Variants in STX11 observed in about 807,000 individuals in gnomAD.
STX11 encodes syntaxin 11, also known as syntaxin-11.
STX11 carries 21 observed loss-of-function variants against 19.9 expected under a neutral mutation model. That is an observed-to-expected ratio of 1.06 (90% CI 0.75 to 1.52). The LOEUF is 1.52. Among genes scored for constraint, STX11 ranks in the 40% most tolerant of loss-of-function variants. The probability of loss-of-function intolerance (pLI) is 0.00; values close to 1 mark genes in which losing one functional copy is unlikely to be tolerated. For missense variants in STX11, 438 were observed against 405.9 expected (o/e 1.08, Z -0.68); for synonymous variants, 193 against 174.4 (o/e 1.11, Z -0.84).
the STX11 span, chr6:144,140,766 T>C: frequency 7.1e-6 from 7 of 984,928 alleles, no homozygotes; most frequent in Non-Finnish European, 8.4e-6. Flanking sequence ...ATGAAATGGA[T>C]GAAGGGGAGG....
chr6:144,184,300 T>A lies in STX11; in HGVS notation c.-5-2323T>A, dbSNP rs1023548325. On this transcript the variant is annotated intron_variant, in intron 1 of 1. Transcript: ENST00000367568. This position sits in a 1 kb window ranked among gnomAD's most constrained non-coding sequence, Gnocchi z 6.5. ...CTGTCTTCCACAATGGTTGAACTAA[T>A]TCACATTCCCACCAACAGTGTAAAA... Among the ~76,000 whole-genome samples, 20 of 152,246 alleles carry A rather than the reference T, an allele frequency of 1.3e-4. No individual in the cohort carries two copies. The highest frequency in any genetic ancestry group is 1.9e-4 in the Non-Finnish European group (13 of 68,036).
In STX11 at chr6:144,180,569, C is replaced by T. The variant is rs978469342; in HGVS notation, c.-5-6054C>T. ...TTGCTCCTTCCTCATTTTCTCTTGCCACCACAATGTAAGAAGTGCCTTTCA... is the reference window on the plus strand; with the variant it reads ...TTGCTCCTTCCTCATTTTCTCTTGCTACCACAATGTAAGAAGTGCCTTTCA... On this transcript the variant is annotated intron_variant, in intron 1 of 1. Transcript: ENST00000367568. This position sits in a 1 kb window ranked among gnomAD's most constrained non-coding sequence, Gnocchi z 5.3. Among the ~76,000 whole-genome samples, 20 of 152,100 alleles carry T rather than the reference C, an allele frequency of 1.3e-4. No individual in the cohort carries two copies. The highest frequency in any genetic ancestry group is 4.1e-4 in the African/African-American group (17 of 41,402).
intron 1 of STX11, among the ~76,000 whole-genome samples, chr6:144,166,270 A>C (rs1037640210): frequency 1.3e-5 from 2 of 152,212 alleles, no homozygotes; most frequent in African/African-American, 4.8e-5. Flanking sequence ...TAATGCATTA[A>C]AATTGTTAAT....
chr6:144,174,287 C>A lies in STX11; in HGVS notation c.-5-12336C>A, dbSNP rs185965160. Among the ~76,000 whole-genome samples, 3 of 152,328 alleles carry A rather than the reference C, an allele frequency of 2.0e-5. No homozygotes were observed. The highest frequency in any genetic ancestry group is 6.5e-5 in the Admixed American group (1 of 15,310). ...AAAGCAAATCTCAGTCTCATAGCCA[C>A]CCTCAGACTCAAGGAGTTGAGAAAT... On this transcript the variant is annotated intron_variant, in intron 1 of 1. Coordinates refer to ENST00000367568, the MANE Select transcript of STX11 (RefSeq NM_003764.4). This position sits in a 1 kb window ranked among gnomAD's most constrained non-coding sequence, Gnocchi z 5.3.
At chr6:144,181,592 CAAAAAAA>C (rs145945304) in intron 1 of STX11, among the ~76,000 whole-genome samples, 1 of 65,800 alleles carries the variant, frequency 1.5e-5, no homozygotes, top group African/African-American at 5.6e-5. Flanking sequence ...AAGACCACCT[CAAAAAAA>C]AAAAAAAAAA....
Position 144,187,538 on chromosome 6 carries a change from C to G in STX11, c.*47C>G. 6.2e-7 allele frequency: 1 copy of G among 1,610,224 alleles called. No individual in the cohort carries two copies. Among genetic ancestry groups the G allele is most frequent in the Non-Finnish European group, 8.5e-7 (1 of 1,179,296 alleles). On this transcript the variant is annotated 3_prime_UTR_variant, in exon 2 of 2. Transcript: ENST00000367568. This position sits in a 1 kb window ranked among gnomAD's most constrained non-coding sequence, Gnocchi z 5.6. ...CGCCCATCCCAGACCATGGAGCGCG[C>G]TGGGAAGGACGCACCAAAGCCGGGA... is the stretch of plus-strand genomic sequence containing the variant.
rs1200447720 is a variant in STX11, at chr6:144,188,800, C to G, written c.*1309C>G. Among the ~76,000 whole-genome samples, 4 of 135,924 alleles carry G rather than the reference C, an allele frequency of 2.9e-5. No individual in the cohort carries two copies. The highest frequency in any genetic ancestry group is 1.1e-4 in the African/African-American group (4 of 35,328). The allele number at this position is 135,924 out of a possible 152,430, so 89.2% of individuals were successfully genotyped here. A position where few individuals can be genotyped will look rare whatever the true frequency, so the allele number is the denominator to read the frequency against. ...GGAGTGCAGTGGCAGGATCTTGGCT[C>G]ATTGCAACCTCTGTCTCCCAGGTTC... is the stretch of plus-strand genomic sequence containing the variant. On this transcript the variant is annotated 3_prime_UTR_variant, in exon 2 of 2. Coordinates refer to ENST00000367568, the MANE Select transcript of STX11 (RefSeq NM_003764.4).
chr6:144,146,003 C>T (rs73778530), upstream of STX11, among the ~76,000 whole-genome samples: 825 of 152,282 alleles, frequency 5.4e-3, 10 homozygotes, highest in African/African-American at 0.019. This position sits in a 1 kb window ranked among gnomAD's most constrained non-coding sequence, Gnocchi z 4.4. Context: ...TAAACACATT[C>T]TTTATCTGCA....
chr6:144,166,741 G>C (rs1241908719), intron 1 of STX11, among the ~76,000 whole-genome samples: 1 of 150,462 alleles, frequency 6.6e-6, no homozygotes, highest in Non-Finnish European at 1.5e-5. Flanking sequence ...GGCCAGGCTG[G>C]TCTCAAACTC....
chr6:144,140,250 A>ATTT, the STX11 span, among the ~76,000 whole-genome samples: 3 of 43,926 alleles, frequency 6.8e-5, no homozygotes, highest in African/African-American at 5.0e-4. Context: ...ATATATATAT[A>ATTT]TATATTTATT....
In STX11 at chr6:144,182,355, T is replaced by G. The variant is rs574463255; in HGVS notation, c.-5-4268T>G. Among the ~76,000 whole-genome samples the G allele has an allele frequency of 6.6e-6, 1 of 152,288 alleles. No homozygotes were observed. Among genetic ancestry groups the G allele is most frequent in the South Asian group, 2.1e-4 (1 of 4,832 alleles). The stretch of plus-strand genomic sequence containing the variant: ...GACCTTCTATGTCAGTGGAGACAAC[T>G]CATCCAAGGCTGGCTGAGCCAAGAG... On this transcript the variant is annotated intron_variant, in intron 1 of 1. Transcript: ENST00000367568. This position sits in a 1 kb window ranked among gnomAD's most constrained non-coding sequence, Gnocchi z 4.8.
chr6:144,185,767 AGAG>A (rs1802013448), intron 1 of STX11, among the ~76,000 whole-genome samples: 1 of 152,256 alleles, frequency 6.6e-6, no homozygotes, highest in African/African-American at 2.4e-5. Context: ...GATATTGAGA[AGAG>A]GAGTAAGGAA....
At chr6:144,179,807 C>G (rs938414590) in intron 1 of STX11, among the ~76,000 whole-genome samples, 1 of 152,198 alleles carries the variant, frequency 6.6e-6, no homozygotes, top group Non-Finnish European at 1.5e-5. Context: ...AGTGGACCTT[C>G]TGATTTGTAA....
At position 144,175,651 on chromosome 6, in the gene STX11, G is replaced by A. The variant is rs1801760344; in HGVS notation, c.-5-10972G>A. Among the ~76,000 whole-genome samples the A allele has an allele frequency of 6.6e-6, 1 of 152,198 alleles. No individual in the cohort carries two copies. The highest frequency in any genetic ancestry group is 2.1e-4 in the South Asian group (1 of 4,832). On this transcript the variant is annotated intron_variant, in intron 1 of 1. Coordinates refer to ENST00000367568, the MANE Select transcript of STX11 (RefSeq NM_003764.4). This position sits in a 1 kb window ranked among gnomAD's most constrained non-coding sequence, Gnocchi z 5.1. ...CATTATTTGTATGTGAATACAATGA[G>A]CCTCTCTTTCCTCATCTTTACAGTG...
chr6:144,186,958 A>G lies in STX11; in HGVS notation c.331A>G (p.Ser111Gly). Residue 111 changes from serine to glycine, a missense_variant, in exon 2 of 2, where the codon AGC becomes GGC. Ser to Gly is a moderately conservative substitution (Grantham distance 56). Transcript: ENST00000367568. ...HCKLRAMKEL[S>G]EAAEAQHGPH... ...CAAGCTGCGCGCCATGAAGGAGCTG[A>G]GCGAGGCGGCTGAGGCCCAGCACGG... 1 of 1,609,268 alleles carries G rather than the reference A, an allele frequency of 6.2e-7. No homozygotes were observed. Among genetic ancestry groups the G allele is most frequent in the South Asian group, 1.1e-5 (1 of 91,058 alleles).
the STX11 span, among the ~76,000 whole-genome samples, chr6:144,143,602 C>T: frequency 6.6e-6 from 1 of 152,090 alleles, no homozygotes; most frequent in African/African-American, 2.4e-5. Flanking sequence ...AATACATTTC[C>T]TGACCTCATT....
intron 1 of STX11, among the ~76,000 whole-genome samples, chr6:144,158,956 T>C (rs1441061909): frequency 6.6e-6 from 1 of 152,200 alleles, no homozygotes; most frequent in African/African-American, 2.4e-5. Flanking sequence ...CTTTTAAACC[T>C]TTTAGGATCA....
At chr6:144,146,346 C>A (rs1300463591), upstream of STX11, among the ~76,000 whole-genome samples, 1 of 152,198 alleles carries the variant, frequency 6.6e-6, no homozygotes, top group Admixed American at 6.5e-5. This position sits in a 1 kb window ranked among gnomAD's most constrained non-coding sequence, Gnocchi z 4.4. Context: ...AAGGGAGAGC[C>A]AAGGTCTCCA....
intron 1 of STX11, among the ~76,000 whole-genome samples, chr6:144,186,400 G>A (rs1802034516): frequency 6.6e-6 from 1 of 151,940 alleles, no homozygotes; most frequent in African/African-American, 2.4e-5. Context: ...TGAACTGCAG[G>A]TGCCTATAGG....
Sources: gnomAD v4.1 joint callset for allele counts (sites outside exome capture counted in the v4.1 genomes callset) on GRCh38, gnomAD v4.1.1 for gene constraint, Gnocchi (gnomAD v3.1) non-coding constraint, MANE v1.5 for transcripts, NCBI Gene and HGNC (gene_info 2026-07-23, HGNC 2026-07-21) for gene names.